RYR3: variants seen among roughly 807,000 people sequenced by gnomAD.
The protein encoded by RYR3 is ryanodine receptor 3.
A neutral mutation model predicts 584.3 loss-of-function variants in RYR3; 207 were observed. The ratio of observed to expected loss-of-function variants is 0.35; its 90% confidence interval spans 0.32 to 0.40. The LOEUF is 0.40. RYR3 is among the 10% of genes least tolerant of loss of function. The pLI, the probability that RYR3 is intolerant of heterozygous loss-of-function variation, is 1.00. For missense variants in RYR3, 5,616 were observed against 6,089.2 expected (o/e 0.92, Z 2.59); for synonymous variants, 2,416 against 2,248.5 (o/e 1.07, Z -2.11).
intron 32 of RYR3, among the ~76,000 whole-genome samples, chr15:33,654,392 G>GTA (rs1845913227): frequency 6.6e-6 from 1 of 151,926 alleles, no homozygotes; most frequent in Non-Finnish European, 1.5e-5. Context: ...GCATACACTT[G>GTA]TGGTCCCAGC....
chr15:33,664,921 ACT>A (rs1457530441), intron 36 of RYR3, among the ~76,000 whole-genome samples: 3 of 151,928 alleles, frequency 2.0e-5, no homozygotes, highest in African/African-American at 7.3e-5. Flanking sequence ...CTTTCAAAAG[ACT>A]CTCTTGAATG....
At chr15:33,582,779 G>A (rs1374286667) in intron 14 of RYR3, among the ~76,000 whole-genome samples, 1 of 152,176 alleles carries the variant, frequency 6.6e-6, no homozygotes, top group South Asian at 2.1e-4. Flanking sequence ...GAGGTTAGGA[G>A]CTCAGACTTG....
At chr15:33,315,807 T>C (rs1595688492) in intron 1 of RYR3, among the ~76,000 whole-genome samples, 1 of 152,296 alleles carries the variant, frequency 6.6e-6, no homozygotes, top group East Asian at 1.9e-4. Context: ...CAAGGCAAGA[T>C]TGCCATGTCC....
chr15:33,725,998 CAG>C (rs2068421658), intron 45 of RYR3, among the ~76,000 whole-genome samples: 2 of 48,032 alleles, frequency 4.2e-5, no homozygotes, highest in African/African-American at 6.4e-5. Context: ...AAAAAAAAAA[CAG>C]AATTCTAGAG....
intron 99 of RYR3, 118 bp from the exon 100 acceptor site, chr15:33,859,457 T>C (rs2153012897): frequency 9.4e-7 from 1 of 1,063,214 alleles, no homozygotes; most frequent in East Asian, 2.4e-5. Context: ...CTCTGAAGAG[T>C]TCCCCTCTCG....
chr15:33,524,366 T>C (rs959656547), intron 3 of RYR3, among the ~76,000 whole-genome samples: 1 of 152,258 alleles, frequency 6.6e-6, no homozygotes, highest in African/African-American at 2.4e-5. Context: ...CCTTCTTTAA[T>C]AGGTAAAGCA....
At chr15:33,801,822 A>T in intron 68 of RYR3, 47 bp from the exon 69 acceptor site, 1 of 1,018,792 alleles carries the variant, frequency 9.8e-7, no homozygotes, top group Non-Finnish European at 1.5e-6. Flanking sequence ...TTTTTGGTTT[A>T]CAGAACTTTC....
intron 47 of RYR3, among the ~76,000 whole-genome samples, chr15:33,729,635 C>T (rs139490546): frequency 1.2e-4 from 18 of 151,992 alleles, no homozygotes; most frequent in African/African-American, 4.3e-4. Flanking sequence ...GGTAGTTCAC[C>T]ATCAACAAAC....
At chr15:33,763,892 C>CAAAAA (rs796878162) in intron 60 of RYR3, among the ~76,000 whole-genome samples, 729 of 45,840 alleles carry the variant, frequency 0.016, 35 homozygotes, top group Middle Eastern at 0.027. Context: ...GACTTCATCT[C>CAAAAA]AAAAAAAAAA....
intron 44 of RYR3, 97 bp from the exon 45 acceptor site, chr15:33,723,968 A>G: frequency 1.5e-6 from 1 of 655,924 alleles, no homozygotes; most frequent in South Asian, 1.9e-5. Context: ...ATGATATGCA[A>G]GAAGAGCAGA....
intron 3 of RYR3, among the ~76,000 whole-genome samples, chr15:33,515,149 G>T (rs1283115799): frequency 2.0e-5 from 3 of 152,108 alleles, no homozygotes; most frequent in Non-Finnish European, 4.4e-5. Flanking sequence ...TTTTTGATGG[G>T]TACAAATAAC....
At chr15:33,536,279 C>A (rs2055324211) in intron 5 of RYR3, among the ~76,000 whole-genome samples, 2 of 152,164 alleles carry the variant, frequency 1.3e-5, no homozygotes, top group Admixed American at 6.5e-5. Context: ...ACAATTCTAG[C>A]ATTTTTCCCC....
chr15:33,689,676 A>G (rs2065277520), intron 38 of RYR3, among the ~76,000 whole-genome samples: 2 of 152,360 alleles, frequency 1.3e-5, no homozygotes, highest in South Asian at 4.1e-4. Flanking sequence ...AGATAAAAAA[A>G]GCCATTGGAA....
intron 98 of RYR3, 59 bp downstream of exon 98, chr15:33,854,971 C>T (rs713202): frequency 0.028 from 42,008 of 1,493,738 alleles, 2,253 homozygotes; most frequent in East Asian, 0.26. Context: ...AAAAAAAGAA[C>T]AGCAGGTAGT....
intron 18 of RYR3, among the ~76,000 whole-genome samples, chr15:33,608,972 G>C (rs1449815178): frequency 6.6e-6 from 1 of 152,190 alleles, no homozygotes. Flanking sequence ...AGCTCCTGTT[G>C]GTATGAAAGC....
At chr15:33,355,789 T>C (rs1595831919) in intron 1 of RYR3, among the ~76,000 whole-genome samples, 1 of 152,198 alleles carries the variant, frequency 6.6e-6, no homozygotes, top group Non-Finnish European at 1.5e-5. Context: ...GCCAATGATA[T>C]TCATCTTGGG....
intron 1 of RYR3, among the ~76,000 whole-genome samples, chr15:33,438,189 T>G (rs1225745913): frequency 1.3e-5 from 2 of 152,128 alleles, no homozygotes; most frequent in African/African-American, 4.8e-5. Context: ...CTTGGCAATT[T>G]TGAAGTAAAT....
intron 67 of RYR3, among the ~76,000 whole-genome samples, chr15:33,793,422 C>T (rs1029074735): frequency 2.0e-5 from 3 of 152,190 alleles, no homozygotes; most frequent in African/African-American, 7.2e-5. Flanking sequence ...AACCCTCTTA[C>T]CATGTGCTTG....
In RYR3 at chr15:33,623,997, A is replaced by C. The variant is rs1463135792; in HGVS notation, c.2548A>C (p.Ile850Leu). The change falls in exon 20 of 104, where the codon ATC becomes CTC. Residue 850 changes from isoleucine (I) to leucine (L), a missense_variant. Transcript: ENST00000634891. ...CCAGTTCCTCTCCCAAGCCTCTTTC[A>C]TCCCATGCCCCGTAGACACCAGTCA... Reference protein sequence around the residue: ...TTQFLSQASFIPCPVDTSQVI... With the variant: ...TTQFLSQASFLPCPVDTSQVI... The C allele has an allele frequency of 6.2e-7, 1 of 1,613,806 alleles. No individual in the cohort carries two copies. The highest frequency in any genetic ancestry group is 1.7e-4 in the Middle Eastern group (1 of 6,032).
Sources: gnomAD v4.1 joint callset for allele counts (sites outside exome capture counted in the v4.1 genomes callset) on GRCh38, gnomAD v4.1.1 for gene constraint, MANE v1.5 for transcripts, NCBI Gene and HGNC (gene_info 2026-07-23, HGNC 2026-07-21) for gene names.